The following MGAT4C variants were observed in gnomAD, a reference collection of about 807,000 sequenced individuals.
MGAT4C encodes the protein MGAT4 family member C.
A neutral mutation model predicts 40.1 loss-of-function variants in MGAT4C; 19 were observed. The observed-to-expected ratio is 0.47, with a 90% CI of 0.33 to 0.70. The LOEUF (loss-of-function observed/expected upper bound fraction) is 0.70. Ranked by LOEUF, MGAT4C falls within the 30% of genes least tolerant of loss-of-function variation. MGAT4C has a pLI of 0.02. For missense variants in MGAT4C, 491 were observed against 563.2 expected (o/e 0.87, Z 1.30); for synonymous variants, 181 against 187.1 (o/e 0.97, Z 0.27).
At chr12:85,997,918 CAGT>C (rs1312113128) in intron 2 of MGAT4C, among the ~76,000 whole-genome samples, 2 of 152,190 alleles carry the variant, frequency 1.3e-5, no homozygotes, top group Non-Finnish European at 2.9e-5. Context: ...CATAGTGCTC[CAGT>C]AGGGACTCAG....
intron 1 of MGAT4C, among the ~76,000 whole-genome samples, chr12:86,810,353 A>T (rs1952449264): frequency 6.6e-6 from 1 of 151,872 alleles, no homozygotes; most frequent in Non-Finnish European, 1.5e-5. Flanking sequence ...CACTGAATAG[A>T]ATTTTCAATA....
At chr12:86,505,331 G>T (rs1425583442) in intron 2 of MGAT4C, among the ~76,000 whole-genome samples, 1 of 152,154 alleles carries the variant, frequency 6.6e-6, no homozygotes, top group Non-Finnish European at 1.5e-5. Flanking sequence ...TCTCAATGCA[G>T]GAGATGATGA....
intron 3 of MGAT4C, among the ~76,000 whole-genome samples, chr12:86,422,055 A>C (rs1956838330): frequency 6.6e-6 from 1 of 152,220 alleles, no homozygotes; most frequent in Non-Finnish European, 1.5e-5. Context: ...ATTGAGGCTT[A>C]GAAATGGAGT....
intron 1 of MGAT4C, among the ~76,000 whole-genome samples, chr12:86,074,555 G>T (rs1048244151): frequency 3.9e-5 from 6 of 152,026 alleles, no homozygotes; most frequent in Non-Finnish European, 7.4e-5. Flanking sequence ...CAGTGCTTTA[G>T]AGCCCTCAAA....
At chr12:86,514,949 A>G (rs1958657646) in intron 2 of MGAT4C, among the ~76,000 whole-genome samples, 1 of 152,184 alleles carries the variant, frequency 6.6e-6, no homozygotes, top group South Asian at 2.1e-4. Context: ...TTATTTTGCA[A>G]ATATGAAGGA....
chr12:86,125,282 C>A (rs899982438), intron 1 of MGAT4C, among the ~76,000 whole-genome samples: 2 of 152,190 alleles, frequency 1.3e-5, no homozygotes, highest in Non-Finnish European at 2.9e-5. Context: ...GACATATATA[C>A]TGTACCTATC....
chr12:86,019,332 G>A (rs1411737681), intron 2 of MGAT4C, among the ~76,000 whole-genome samples: 1 of 152,058 alleles, frequency 6.6e-6, no homozygotes, highest in Non-Finnish European at 1.5e-5. Flanking sequence ...TAGTTTTAGT[G>A]GTGTGCCCCA....
intron 1 of MGAT4C, among the ~76,000 whole-genome samples, chr12:86,114,679 G>A (rs772692181): frequency 6.6e-6 from 1 of 151,886 alleles, no homozygotes; most frequent in African/African-American, 2.4e-5. Context: ...AATAGTTTCA[G>A]AGTTGTTCTC....
chr12:86,494,926 G>A (rs533462095), intron 2 of MGAT4C, among the ~76,000 whole-genome samples: 1 of 152,058 alleles, frequency 6.6e-6, no homozygotes, highest in Non-Finnish European at 1.5e-5. Context: ...GATGATAATC[G>A]ACAATGAGAA....
Position 86,119,717 on chromosome 12 carries a change from C to A in MGAT4C, c.-56-69994G>T, listed in dbSNP as rs973114907. On this transcript the variant is annotated intron_variant, in intron 1 of 4. Transcript: ENST00000611864. ...AGCCACTATGCCCGGCCCCCTCCCA[C>A]CATTCTTTTTTTTTTTTTTTTTTTT... 2.2e-4 allele frequency among the ~76,000 whole-genome samples: 32 copies of A among 148,434 alleles called. 1 individual carries two copies. The highest frequency in any genetic ancestry group is 1.3e-3 in the South Asian group (6 of 4,708).
chr12:86,508,187 T>G (rs1958505703), intron 2 of MGAT4C, among the ~76,000 whole-genome samples: 1 of 152,076 alleles, frequency 6.6e-6, no homozygotes, highest in Admixed American at 6.6e-5. Context: ...TAGGTATATC[T>G]CCTAATGCTA....
intron 1 of MGAT4C, among the ~76,000 whole-genome samples, chr12:86,787,589 C>T (rs762192347): frequency 1.3e-5 from 2 of 151,962 alleles, no homozygotes; most frequent in Non-Finnish European, 1.5e-5. Context: ...TCATACCAGC[C>T]AGAATGACTA....
At chr12:86,373,900 A>C (rs1214226258) in intron 3 of MGAT4C, among the ~76,000 whole-genome samples, 1 of 152,026 alleles carries the variant, frequency 6.6e-6, no homozygotes. Flanking sequence ...TATTCAGTGA[A>C]ATGCTCACAT....
intron 1 of MGAT4C, among the ~76,000 whole-genome samples, chr12:86,792,624 G>A (rs554195533): frequency 1.3e-5 from 2 of 152,198 alleles, no homozygotes; most frequent in East Asian, 3.9e-4. Flanking sequence ...ACTAGTGCAA[G>A]CTTGTGCATT....
intron 3 of MGAT4C, among the ~76,000 whole-genome samples, chr12:86,345,823 C>T (rs951716190): frequency 4.6e-5 from 7 of 152,178 alleles, no homozygotes; most frequent in Non-Finnish European, 1.0e-4. Context: ...CCTGAGGAAT[C>T]GCCACACCGA....
At chr12:86,203,434 C>T (rs1388757521) in intron 1 of MGAT4C, among the ~76,000 whole-genome samples, 3 of 152,098 alleles carry the variant, frequency 2.0e-5, no homozygotes, top group African/African-American at 7.2e-5. Context: ...ACATATGAAG[C>T]TCAGTTATTA....
intron 1 of MGAT4C, among the ~76,000 whole-genome samples, chr12:86,835,900 A>C (rs1566023656): frequency 1.3e-5 from 2 of 151,744 alleles, no homozygotes; most frequent in Non-Finnish European, 2.9e-5. Context: ...TAAAGAGTCA[A>C]ATTAATTTCA....
At chr12:86,489,451 C>A (rs1324715748) in intron 2 of MGAT4C, among the ~76,000 whole-genome samples, 3 of 152,154 alleles carry the variant, frequency 2.0e-5, no homozygotes, top group Non-Finnish European at 4.4e-5. Flanking sequence ...TCACACTAGC[C>A]CTTTCCTCTT....
intron 3 of MGAT4C, among the ~76,000 whole-genome samples, chr12:86,343,703 A>G (rs1954951374): frequency 1.3e-5 from 2 of 152,188 alleles, no homozygotes; most frequent in Non-Finnish European, 2.9e-5. Flanking sequence ...ACTTTCAAAT[A>G]TATCTTCATC....
Sources: allele counts gnomAD v4.1 joint callset (sites outside exome capture counted in the v4.1 genomes callset), GRCh38; gene constraint gnomAD v4.1.1; transcripts MANE v1.5; gene names NCBI Gene and HGNC (gene_info 2026-07-23, HGNC 2026-07-21).